Variants in UBA1 observed in about 807,000 individuals in gnomAD.
UBA1 encodes ubiquitin like modifier activating enzyme 1.
In UBA1, 4 loss-of-function variants were observed where a neutral mutation model predicts 84.7. The ratio of observed to expected loss-of-function variants is 0.05; its 90% CI spans 0.02 to 0.11. The LOEUF is 0.11. Among genes scored for constraint, UBA1 ranks in the 10% least tolerant of loss-of-function variants. The pLI is 1.00. For missense variants in UBA1, 513 were observed against 902.8 expected, an observed-to-expected ratio of 0.57 and a Z score of 5.53; for synonymous variants, 364 against 362.6, an observed-to-expected ratio of 1.00 and a Z score of -0.04.
intron 5 of UBA1, among the ~76,000 whole-genome samples, chrX:47,200,027 C>T (rs1278620875): frequency 9.1e-6 from 1 of 110,247 alleles, no homozygotes; most frequent in East Asian, 2.9e-4. Context: ...CCTTGTGATC[C>T]GCCCGCCTCC....
intron 1 of UBA1, 42 bp from the exon 2 acceptor site, chrX:47,198,761 C>T: frequency 8.6e-7 from 1 of 1,157,934 alleles, no homozygotes; most frequent in Non-Finnish European, 1.2e-6. Context: ...AAAAACGGTA[C>T]CCATGTGCTC....
At chrX:47,199,402 C>A in intron 4 of UBA1, 25 bp downstream of exon 4, 3 of 1,212,084 alleles carry the variant, frequency 2.5e-6, no homozygotes, top group Non-Finnish European at 3.4e-6. Flanking sequence ...CACCCTTCCC[C>A]CTTTCCCCCT....
chrX:47,202,670 G>T lies in UBA1; in HGVS notation c.1089G>T (p.Gln363His), dbSNP rs782243033. The T allele has an allele frequency of 1.8e-5, 22 of 1,211,195 alleles. No individual in the cohort carries two copies. The highest frequency in any genetic ancestry group is 2.5e-5 in the Non-Finnish European group (22 of 895,447). ...EDAAELVALA[Q>H]AVNARALPAV... is the part of the protein sequence containing the mutation. ...CAGCAGAACTGGTAGCCTTAGCACA[G>T]GCTGTGAATGCTCGAGCCCTGCCAG... Residue 363 changes from glutamine (Q) to histidine (H), a missense_variant, in exon 11 of 26, where the codon CAG (glutamine) becomes CAT (histidine). Gln to His is a conservative substitution (Grantham distance 24). Coordinates refer to ENST00000335972, the MANE Select transcript of UBA1 (RefSeq NM_003334.4).
At chrX:47,211,490 TTC>T (rs781821979) in intron 20 of UBA1, among the ~76,000 whole-genome samples, 12 of 111,773 alleles carry the variant, frequency 1.1e-4, no homozygotes, top group Non-Finnish European at 1.1e-4. Flanking sequence ...CTTAGTTTTG[TTC>T]TTTCTTCTGT....
chrX:47,199,661 C>T (rs1367208289), intron 5 of UBA1, 47 bp downstream of exon 5: 2 of 1,195,503 alleles, frequency 1.7e-6, no homozygotes, highest in South Asian at 1.8e-5. Context: ...TTCTCAGAGC[C>T]CATCTCTGGT....
In UBA1 at chrX:47,198,176, G is replaced by A. The variant is rs782465416; in HGVS notation, c.1-627G>A. 6.6e-4 allele frequency: 637 copies of A among 966,504 alleles called. 3 individuals are homozygous for A. The South Asian group carries it at 0.012, about 19-fold the overall frequency. The allele number at this position is 966,504 out of a possible 1,213,427, so 79.7% of individuals were successfully genotyped here. A position where few individuals can be genotyped will look rare whatever the true frequency, so the allele number is the denominator to read the frequency against. On this transcript the variant is annotated intron_variant, in intron 1 of 25. Transcript: ENST00000335972. ...GGGACTGGGTTCTCAGCAAGTTACCGCTCCTGCCATCATGCCACCCTGATG... is the reference window on the plus strand; with the variant it reads ...GGGACTGGGTTCTCAGCAAGTTACCACTCCTGCCATCATGCCACCCTGATG...
At position 47,202,219 on chromosome X, in the gene UBA1, T is replaced by C. The variant is rs1464177170; in HGVS notation, c.875T>C (p.Val292Ala). 3 of 1,208,308 alleles carry C rather than the reference T, an allele frequency of 2.5e-6. No individual in the cohort carries two copies. The highest frequency in any genetic ancestry group is 3.4e-6 in the Non-Finnish European group (3 of 894,239). Residue 292 changes from valine (V) to alanine (A), a missense_variant, in exon 9 of 26, where the codon GTC (valine) becomes GCC (alanine). This residue lies in a region of UBA1 where 227 missense variants were observed against 339.1 expected (regional missense o/e 0.67). Transcript: ENST00000335972. ...NFSDYIRGGI[V>A]SQVKVPKKIS... ...TCCGACTACATCCGTGGAGGCATCG[T>C]CAGTCAGGTCAAAGTACCTAAGAAG... is the stretch of plus-strand genomic sequence containing the variant.
chrX:47,199,883 C>T (rs1201026200), intron 5 of UBA1, among the ~76,000 whole-genome samples: 4 of 109,501 alleles, frequency 3.7e-5, no homozygotes, highest in African/African-American at 6.7e-5. Flanking sequence ...CCTGGGTTCA[C>T]GCCATTCTCC....
chrX:47,203,283 C>T (rs1936493485), intron 13 of UBA1, 69 bp downstream of exon 13: 17 of 1,113,660 alleles, frequency 1.5e-5, no homozygotes, highest in South Asian at 9.2e-5. Flanking sequence ...GGGCTTCCTT[C>T]GGCATCTCAA....
At position 47,212,871 on chromosome X, in the gene UBA1, G is replaced by T; in HGVS notation, c.2646+8G>T. On this transcript the variant is annotated splice_region_variant and intron_variant, in intron 22 of 25. Coordinates refer to ENST00000335972, the MANE Select transcript of UBA1 (RefSeq NM_003334.4). ...TCTGCAGACCGGCACAAGGTGAGGG[G>T]AATCTAAATCTGATGTTCCACCCTC... 2 of 1,210,463 alleles carry T rather than the reference G, an allele frequency of 1.7e-6. No individual in the cohort carries two copies. The highest frequency in any genetic ancestry group is 2.2e-6 in the Non-Finnish European group (2 of 894,511).
chrX:47,207,136 C>A (rs1055311742), intron 16 of UBA1, among the ~76,000 whole-genome samples: 1 of 111,950 alleles, frequency 8.9e-6, no homozygotes, highest in Non-Finnish European at 1.9e-5. Context: ...TCATTCTTAC[C>A]ATCTCTTCTA....
Position 47,200,951 on chromosome X carries a change from C to T in UBA1, c.538C>T (p.His180Tyr). Residue 180 changes from histidine to tyrosine, a missense_variant, in exon 6 of 26, where the codon CAC becomes TAC. Physicochemically the swap from His to Tyr is moderately conservative, Grantham distance 83 (BLOSUM62 2). This residue lies in a region of UBA1 where 227 missense variants were observed against 339.1 expected (regional missense o/e 0.67). Coordinates refer to ENST00000335972, the MANE Select transcript of UBA1 (RefSeq NM_003334.4). ...CCAGCTGCGAGTGGGTGAGTTCTGT[C>T]ACAACCGTGGCATCAAGCTGGTGGT... Reference protein sequence around the residue: ...EDQLRVGEFCHNRGIKLVVAD... With the variant: ...EDQLRVGEFCYNRGIKLVVAD... The T allele has an allele frequency of 8.3e-7, 1 of 1,205,566 alleles. No homozygotes were observed. The highest frequency in any genetic ancestry group is 1.1e-6 in the Non-Finnish European group (1 of 892,489).
upstream of UBA1, among the ~76,000 whole-genome samples, chrX:47,192,028 A>G (rs1374491438): frequency 8.9e-6 from 1 of 112,236 alleles, no homozygotes; most frequent in Non-Finnish European, 1.9e-5. Context: ...TATGAGGATA[A>G]CGATAAGATT....
In UBA1 at chrX:47,200,869, GGCCTGA is replaced by G. The variant is rs1569208755; in HGVS notation, c.481-20_481-15del. On this transcript the variant is annotated intron_variant, in intron 5 of 25. Transcript: ENST00000335972. ...TTTTTTCCCCTTCACCCCAATGCTGGGCCTGAGCCTCCATCTCTCCACAGGTGGTGG... is the reference window on the plus strand; with the variant it reads ...TTTTTTCCCCTTCACCCCAATGCTGGGCCTCCATCTCTCCACAGGTGGTGG... 2.6e-6 allele frequency: 3 copies of G among 1,150,025 alleles called. No homozygotes were observed. The highest frequency in any genetic ancestry group is 2.5e-5 in the Admixed American group (1 of 40,425). 94.8% of individuals were successfully genotyped at this position (1,150,025 alleles called of 1,213,427 possible).
At chrX:47,210,286 T>C (rs1182543437) in intron 18 of UBA1, among the ~76,000 whole-genome samples, 163 bp downstream of exon 18, 2 of 111,921 alleles carry the variant, frequency 1.8e-5, no homozygotes, top group Non-Finnish European at 3.8e-5. Context: ...TCACCCTAGT[T>C]CCTTTGAGCA....
At chrX:47,212,614 C>A in intron 21 of UBA1, 102 bp downstream of exon 21, 2 of 886,466 alleles carry the variant, frequency 2.3e-6, no homozygotes, top group South Asian at 2.1e-5. Context: ...TTGTGGGGAT[C>A]AGATTGTGGG....
chrX:47,206,576 C>T, intron 16 of UBA1, 132 bp downstream of exon 16: 2 of 639,450 alleles, frequency 3.1e-6, no homozygotes, highest in East Asian at 3.5e-5. Context: ...CCAAACCTCC[C>T]TCCCTCACTT....
rs370309368 is a variant in UBA1 at position 47,214,953 on chromosome X, C to T, written c.*24C>T. ...GACCCCGTCTGCTCCTCTAGGCTGG[C>T]CCCTTGTCCACCCCTCTCCACACCC... On this transcript the variant is annotated 3_prime_UTR_variant, in exon 26 of 26. Coordinates refer to ENST00000335972, the MANE Select transcript of UBA1 (RefSeq NM_003334.4). The T allele has an allele frequency of 1.6e-5, 19 of 1,205,866 alleles. No homozygotes were observed. Among genetic ancestry groups the T allele is most frequent in the Non-Finnish European group, 2.1e-5 (19 of 894,946 alleles).
intron 14 of UBA1, 145 bp from the exon 15 acceptor site, chrX:47,205,803 G>A (rs1556790658): frequency 2.1e-5 from 15 of 698,036 alleles, no homozygotes; most frequent in South Asian, 1.0e-4. Flanking sequence ...GCAGTGAGCC[G>A]TGATCATGCC....
Sources: gnomAD v4.1 joint callset for allele counts (sites outside exome capture counted in the v4.1 genomes callset) on GRCh38, gnomAD v4.1.1 for gene constraint, gnomAD v4.1.1 regional missense constraint, MANE v1.5 for transcripts, NCBI Gene and HGNC (gene_info 2026-07-23, HGNC 2026-07-21) for gene names.